The following ADAMTS10 variants were observed in gnomAD, a reference collection of about 807,000 sequenced individuals.
ADAMTS10 encodes the protein A disintegrin and metalloproteinase with thrombospondin motifs 10.
A neutral mutation model predicts 135.9 loss-of-function variants in ADAMTS10; 48 were observed. That is an observed-to-expected ratio of 0.35 (90% CI 0.28 to 0.45). The LOEUF (loss-of-function observed/expected upper bound fraction) is 0.45, where lower values mean the gene tolerates loss of function less well. ADAMTS10 is among the 20% of genes least tolerant of loss of function. The pLI, the probability that ADAMTS10 is intolerant of heterozygous loss-of-function variation, is 1.00. For synonymous variants in ADAMTS10, 621 were observed against 647.5 expected, an observed-to-expected ratio of 0.96 and a Z score of 0.62; for missense variants, 1,131 against 1,565.2, an observed-to-expected ratio of 0.72 and a Z score of 4.68.
chr19:8,586,533 A>T, intron 20 of ADAMTS10, 25 bp downstream of exon 20: 1 of 1,613,204 alleles, frequency 6.2e-7, no homozygotes, highest in Non-Finnish European at 8.5e-7. Context: ...CAAAGGCTGC[A>T]CCTTGCCCCC....
chr19:8,580,757 T>C lies in ADAMTS10; in HGVS notation c.*136A>G. The C allele has an allele frequency of 1.5e-6, 1 of 688,762 alleles. No homozygotes were observed. Among genetic ancestry groups the C allele is most frequent in the Non-Finnish European group, 2.5e-6 (1 of 402,388 alleles). The allele number at this position is 688,762 out of a possible 1,614,324, so 42.7% of individuals were successfully genotyped here. ...CCCCCCAGCCAGGGCCCTGCAGGGG[T>C]TCCCAATAAATAACTTCCGGCTCCG... On this transcript the variant is annotated 3_prime_UTR_variant, in exon 26 of 26. Transcript: ENST00000597188.
intron 25 of ADAMTS10, among the ~76,000 whole-genome samples, chr19:8,584,042 A>AG (rs1254865357): frequency 1.4e-5 from 2 of 146,210 alleles, no homozygotes; most frequent in Non-Finnish European, 3.0e-5. Context: ...CTGTACTCCC[A>AG]GCTACTCAGC....
At position 8,605,628 on chromosome 19, in the gene ADAMTS10, G is replaced by C; in HGVS notation, c.83C>G (p.Ser28Cys). The C allele has an allele frequency of 6.2e-7, 1 of 1,613,454 alleles. No individual in the cohort carries two copies. The highest frequency in any genetic ancestry group is 8.5e-7 in the Non-Finnish European group (1 of 1,179,914). ...LMFEVTHAFR[S>C]QDEFLSSLES... ...CACCACCAGACTTCCCCTACCTTGA[G>C]ACCGGAAGGCGTGCGTGACCTCGAA... The change falls in exon 3 of 26, where the codon TCT becomes TGT. Residue 28 changes from serine to cysteine, a missense_variant. Coordinates refer to ENST00000597188, the MANE Select transcript of ADAMTS10 (RefSeq NM_030957.4). The surrounding 1 kb of genome is among the most constrained non-coding windows in gnomAD (Gnocchi z 7.7).
chr19:8,580,436 AC>A lies in ADAMTS10; in HGVS notation c.*456del, dbSNP rs34057037. On this transcript the variant is annotated 3_prime_UTR_variant, in exon 26 of 26. Coordinates refer to ENST00000597188, the MANE Select transcript of ADAMTS10 (RefSeq NM_030957.4). ...GGGAGGGTGTCAGGGAGGTGGTGCT[AC>A]CCCCCCCCCTCCCATAGCAGACACA... 0.54 allele frequency: 81,419 copies of A among 151,438 alleles called. 20,923 individuals carry two copies. Among genetic ancestry groups the A allele is most frequent in the East Asian group, 0.75 (3,938 of 5,218 alleles). 9.4% of individuals were successfully genotyped at this position (151,438 alleles called of 1,614,324 possible). A position where few individuals can be genotyped will look rare whatever the true frequency, so the allele number is the denominator to read the frequency against.
Position 8,601,289 on chromosome 19 carries a change from C to T in ADAMTS10, c.593-144G>A. 1 of 912,694 alleles carries T rather than the reference C, an allele frequency of 1.1e-6. No individual in the cohort carries two copies. The highest frequency in any genetic ancestry group is 1.4e-5 in the South Asian group (1 of 69,962). 56.5% of individuals were successfully genotyped at this position (912,694 alleles called of 1,614,324 possible). On this transcript the variant is annotated intron_variant, in intron 5 of 25. Coordinates refer to ENST00000597188, the MANE Select transcript of ADAMTS10 (RefSeq NM_030957.4). The surrounding 1 kb of genome is among the most constrained non-coding windows in gnomAD (Gnocchi z 4.6). ...ATTTCTGGTCATTCTGCTGCCTTCT[C>T]TTGTTGTCCAGCTACCTGTGTGATG...
At chr19:8,597,167 A>T in intron 7 of ADAMTS10, 35 bp from the exon 8 acceptor site, 8 of 1,614,084 alleles carry the variant, frequency 5.0e-6, no homozygotes, top group Non-Finnish European at 6.8e-6. Flanking sequence ...ATGGGCACCC[A>T]CCACCCAGGG....
chr19:8,604,001 C>CTTTTTTT, intron 4 of ADAMTS10, 117 bp from the exon 5 acceptor site: 1 of 824,260 alleles, frequency 1.2e-6, no homozygotes. Context: ...TTTGCTATTT[C>CTTTTTTT]TTTTTTTTTT....
intron 25 of ADAMTS10, among the ~76,000 whole-genome samples, chr19:8,583,357 A>G (rs1555736175): frequency 6.6e-6 from 1 of 151,226 alleles, no homozygotes; most frequent in Non-Finnish European, 1.5e-5. Flanking sequence ...CCTGGCCAAT[A>G]TGGTGAAACC....
intron 13 of ADAMTS10, 58 bp from the exon 14 acceptor site, chr19:8,592,161 A>G (rs782744958): frequency 1.3e-5 from 21 of 1,611,954 alleles, no homozygotes; most frequent in Non-Finnish European, 1.7e-6. Flanking sequence ...CGTCGGCCCC[A>G]TGCACCGTTC....
chr19:8,586,808 C>T lies in ADAMTS10; in HGVS notation c.2239+8G>A, dbSNP rs782178710. The T allele has an allele frequency of 6.2e-7, 1 of 1,614,058 alleles. No individual in the cohort carries two copies. The highest frequency in any genetic ancestry group is 8.5e-7 in the Non-Finnish European group (1 of 1,180,042). Reference sequence around the variant, plus strand: ...CTAATCCTCATCCCCTCCCCACCATCTGCTCACCCAAGTGACTGAGAGAGA... The same window carrying T: ...CTAATCCTCATCCCCTCCCCACCATTTGCTCACCCAAGTGACTGAGAGAGA... On this transcript the variant is annotated splice_region_variant and intron_variant, in intron 19 of 25. Transcript: ENST00000597188.
rs1555740442 is a variant in ADAMTS10 at position 8,597,120 on chromosome 19, T to A, written c.907A>T (p.Ile303Phe). ...LLTEDQPTLE[I>F]THHAGKSLDS... The stretch of plus-strand genomic sequence containing the variant: ...AGGGACTTCCCGGCATGGTGGGTGA[T>A]CTCCAGAGTGGGCTGGGGATGGACA... Residue 303 changes from isoleucine to phenylalanine, a missense_variant, in exon 8 of 26, where the codon ATC becomes TTC. By Grantham distance (21) the Ile-to-Phe change is conservative (BLOSUM62 0). This residue lies in a region of ADAMTS10 where 80 missense variants were observed against 164.4 expected (regional missense o/e 0.49). Coordinates refer to ENST00000597188, the MANE Select transcript of ADAMTS10 (RefSeq NM_030957.4). The A allele has an allele frequency of 6.2e-7, 1 of 1,613,886 alleles. No homozygotes were observed.
intron 18 of ADAMTS10, among the ~76,000 whole-genome samples, chr19:8,588,029 G>A (rs556170697): frequency 2.0e-5 from 3 of 151,224 alleles, no homozygotes; most frequent in Admixed American, 6.6e-5. Context: ...TGGGTGGATC[G>A]CTTGAGGTCA....
intron 6 of ADAMTS10, among the ~76,000 whole-genome samples, chr19:8,599,440 C>A (rs2042639480): frequency 6.6e-6 from 1 of 152,046 alleles, no homozygotes; most frequent in Non-Finnish European, 1.5e-5. Flanking sequence ...AAGCGATTCT[C>A]CTGTCTCAGC....
chr19:8,592,116 A>C lies in ADAMTS10; in HGVS notation c.1588-13T>G, dbSNP rs371557518. 104 of 1,613,346 alleles carry C rather than the reference A, an allele frequency of 6.4e-5. No homozygotes were observed. Among genetic ancestry groups the C allele is most frequent in the Non-Finnish European group, 8.1e-5 (95 of 1,179,942 alleles). On this transcript the variant is annotated splice_polypyrimidine_tract_variant and intron_variant, in intron 13 of 25. Coordinates refer to ENST00000597188, the MANE Select transcript of ADAMTS10 (RefSeq NM_030957.4). Reference sequence around the variant, plus strand: ...GTTTGTAGCACCACTGGGTGGGGGGAGACAGGAAGGAGTGAGTCCAGCCCG... The same window carrying C: ...GTTTGTAGCACCACTGGGTGGGGGGCGACAGGAAGGAGTGAGTCCAGCCCG...
chr19:8,604,872 C>T, intron 4 of ADAMTS10, 140 bp downstream of exon 4: 2 of 924,488 alleles, frequency 2.2e-6, no homozygotes, highest in Non-Finnish European at 3.4e-6. Flanking sequence ...GCTTTAGCTG[C>T]ATCCCCAAAG....
chr19:8,595,568 T>C (rs2146078581), intron 12 of ADAMTS10, 194 bp downstream of exon 12: 1 of 835,884 alleles, frequency 1.2e-6, no homozygotes, highest in East Asian at 2.8e-5. Flanking sequence ...TCCCAAGCAC[T>C]GTCTGATTGC....
Position 8,590,010 on chromosome 19 carries a change from A to G in ADAMTS10, c.1798-19T>C. Reference sequence around the variant, plus strand: ...GACAGTCCTGGGGGCAGGAGAGGAGAGATGGAGGGAGGCCAGGCTTGGGGG... The same window carrying G: ...GACAGTCCTGGGGGCAGGAGAGGAGGGATGGAGGGAGGCCAGGCTTGGGGG... On this transcript the variant is annotated intron_variant, in intron 15 of 25. Coordinates refer to ENST00000597188, the MANE Select transcript of ADAMTS10 (RefSeq NM_030957.4). 6.3e-7 allele frequency: 1 copy of G among 1,584,792 alleles called. No homozygotes were observed.
Position 8,605,848 on chromosome 19 carries a change from G to T in ADAMTS10, c.-99-39C>A. ...GCCAGGTAAGGGGGCGCCTGGTCCC[G>T]CTGTCCAGCACAACCAATGCCAAGG... On this transcript the variant is annotated intron_variant, in intron 2 of 25. Transcript: ENST00000597188. The surrounding 1 kb of genome is among the most constrained non-coding windows in gnomAD (Gnocchi z 7.7). 2.0e-6 allele frequency: 3 copies of T among 1,470,780 alleles called. No individual in the cohort carries two copies. Among genetic ancestry groups the T allele is most frequent in the Non-Finnish European group, 2.7e-6 (3 of 1,112,612 alleles). The allele number at this position is 1,470,780 out of a possible 1,614,324, so 91.1% of individuals were successfully genotyped here.
rs2042416595 is a variant in ADAMTS10, at chr19:8,585,561, C to A, written c.2760G>T (p.Glu920Asp). 6.2e-7 allele frequency: 1 copy of A among 1,600,752 alleles called. No individual in the cohort carries two copies. The highest frequency in any genetic ancestry group is 8.5e-7 in the Non-Finnish European group (1 of 1,174,370). ...VCQRRVSAAE[E>D]KALDDSACPQ... is the part of the protein sequence containing the mutation. ...GGCATGCGCTGTCGTCCAGCGCCTT[C>A]TCCTCCGCGGCAGAGACGCGGCGCT... The change falls in exon 23 of 26, where the codon GAG (glutamate) becomes GAT (aspartate). Residue 920 changes from glutamate to aspartate, a missense_variant. Physicochemically the swap from Glu to Asp is conservative, Grantham distance 45. Coordinates refer to ENST00000597188, the MANE Select transcript of ADAMTS10 (RefSeq NM_030957.4).
Sources: gnomAD v4.1 joint callset for allele counts (sites outside exome capture counted in the v4.1 genomes callset) on GRCh38, gnomAD v4.1.1 for gene constraint, gnomAD v4.1.1 regional missense constraint, Gnocchi (gnomAD v3.1) non-coding constraint, MANE v1.5 for transcripts, NCBI Gene and HGNC (gene_info 2026-07-23, HGNC 2026-07-21) for gene names.